Variants in FREM2 observed in about 807,000 individuals in gnomAD.
The protein encoded by FREM2 is FRAS1 related extracellular matrix 2, also known as FRAS1-related extracellular matrix protein 2.
Under a neutral mutation model 219.9 loss-of-function variants are expected in FREM2, and 119 were observed. The observed-to-expected ratio is 0.54, with a 90% CI of 0.47 to 0.63. The LOEUF is 0.63. Among genes scored for constraint, FREM2 ranks in the 30% least tolerant of loss-of-function variants. The pLI is 0.00. For missense variants in FREM2, 4,030 were observed against 3,993.6 expected, an observed-to-expected ratio of 1.01 and a Z score of -0.25; for synonymous variants, 1,562 against 1,522.8, an observed-to-expected ratio of 1.03 and a Z score of -0.60.
chr13:38,728,023 G>A (rs762237832), intron 2 of FREM2, among the ~76,000 whole-genome samples: 4 of 152,144 alleles, frequency 2.6e-5, no homozygotes, highest in Non-Finnish European at 5.9e-5. Flanking sequence ...GACATTGGTT[G>A]GCCCATTTCT....
intron 6 of FREM2, among the ~76,000 whole-genome samples, chr13:38,827,990 A>G (rs538855136): frequency 6.6e-6 from 1 of 152,188 alleles, no homozygotes; most frequent in Non-Finnish European, 1.5e-5. Context: ...AACTTATTAC[A>G]TGAGTACCAA....
intron 6 of FREM2, among the ~76,000 whole-genome samples, chr13:38,820,328 C>T (rs9603438): frequency 6.6e-6 from 1 of 151,998 alleles, no homozygotes; most frequent in South Asian, 2.1e-4. Flanking sequence ...TGCCTGATTC[C>T]CATCTCTTCC....
chr13:38,870,801 A>C (rs947521928), intron 16 of FREM2, among the ~76,000 whole-genome samples: 3 of 152,222 alleles, frequency 2.0e-5, no homozygotes, highest in Admixed American at 2.0e-4. Context: ...ACTTATTCAT[A>C]GGAAGTGAGT....
rs1869826135 is a variant in FREM2 at position 38,691,118 on chromosome 13, A to G, written c.3774A>G (p.Ile1258Met). ...AAAGCTTCACCTTGGATCAGATCAT[A>G]GAGAGTTCCAGCATTATTTATGAGC... is the stretch of plus-strand genomic sequence containing the variant. ...LVESFTLDQI[I>M]ESSSIIYEHD... Residue 1258 changes from isoleucine to methionine, a missense_variant, in exon 1 of 24, where the codon ATA becomes ATG. Ile to Met is a conservative substitution (Grantham distance 10). Transcript: ENST00000280481. 6 of 1,614,036 alleles carry G rather than the reference A, an allele frequency of 3.7e-6. No individual in the cohort carries two copies. The South Asian group carries it at 4.4e-5, about 12-fold the overall frequency.
intron 6 of FREM2, among the ~76,000 whole-genome samples, chr13:38,833,922 G>A (rs966531998): frequency 6.6e-6 from 1 of 152,004 alleles, no homozygotes; most frequent in Non-Finnish European, 1.5e-5. Flanking sequence ...CCATAGAGAT[G>A]TTTATTTTGT....
At chr13:38,791,355 T>C (rs1411815779) in intron 6 of FREM2, among the ~76,000 whole-genome samples, 1 of 152,170 alleles carries the variant, frequency 6.6e-6, no homozygotes, top group Non-Finnish European at 1.5e-5. Context: ...GTATCTTGAT[T>C]ATTCACCCCT....
intron 6 of FREM2, among the ~76,000 whole-genome samples, chr13:38,801,623 TTC>T (rs1875011750): frequency 6.6e-6 from 1 of 152,200 alleles, no homozygotes; most frequent in South Asian, 2.1e-4. Flanking sequence ...ATCTGTGATT[TTC>T]TCTGTGGCCT....
chr13:38,703,406 G>A (rs1870417193), intron 2 of FREM2, among the ~76,000 whole-genome samples: 1 of 152,156 alleles, frequency 6.6e-6, no homozygotes, highest in African/African-American at 2.4e-5. Flanking sequence ...GTGAAGTAAT[G>A]TCAGGCACTG....
intron 2 of FREM2, 118 bp from the exon 3 acceptor site, chr13:38,764,186 A>T: frequency 1.3e-6 from 1 of 744,680 alleles, no homozygotes; most frequent in Non-Finnish European, 2.4e-6. Context: ...AGAGTTGTGT[A>T]TCAAACTAAG....
intron 2 of FREM2, among the ~76,000 whole-genome samples, chr13:38,735,620 TA>T (rs764756414): frequency 6.6e-6 from 1 of 152,154 alleles, no homozygotes; most frequent in Non-Finnish European, 1.5e-5. Context: ...AGGAACTACT[TA>T]AAAAAACGTA....
intron 2 of FREM2, among the ~76,000 whole-genome samples, chr13:38,740,328 T>C (rs575354371): frequency 1.3e-4 from 20 of 152,176 alleles, no homozygotes; most frequent in Non-Finnish European, 2.8e-4. Context: ...ATTAAAGACT[T>C]GTAATGAGGG....
At chr13:38,728,480 G>A (rs928597297) in intron 2 of FREM2, among the ~76,000 whole-genome samples, 2 of 150,956 alleles carry the variant, frequency 1.3e-5, no homozygotes, top group African/African-American at 2.4e-5. Context: ...ATCAGGGCTC[G>A]GTGCAGCCTC....
intron 2 of FREM2, among the ~76,000 whole-genome samples, chr13:38,705,007 C>T (rs945840582): frequency 1.3e-5 from 2 of 152,072 alleles, no homozygotes; most frequent in East Asian, 1.9e-4. Context: ...AATTCCAATT[C>T]GAAATGAGAT....
At chr13:38,711,215 C>T (rs9548435) in intron 2 of FREM2, among the ~76,000 whole-genome samples, 18,285 of 152,176 alleles carry the variant, frequency 0.12, 1,292 homozygotes, top group Middle Eastern at 0.24. Flanking sequence ...ACCACCAGCT[C>T]CCTTTCCCTT....
chr13:38,861,196 C>T (rs547390377), intron 14 of FREM2, among the ~76,000 whole-genome samples: 1 of 152,216 alleles, frequency 6.6e-6, no homozygotes, highest in African/African-American at 2.4e-5. Flanking sequence ...CAAATTTTTT[C>T]TCAAAGTTTG....
intron 6 of FREM2, among the ~76,000 whole-genome samples, chr13:38,824,810 T>G (rs4503675): frequency 0.26 from 39,354 of 151,870 alleles, 5,529 homozygotes; most frequent in East Asian, 0.45. Flanking sequence ...TTACACCTTA[T>G]CAGAATTCAG....
chr13:38,701,753 C>T (rs1274130903), intron 2 of FREM2, among the ~76,000 whole-genome samples: 1 of 152,034 alleles, frequency 6.6e-6, no homozygotes, highest in South Asian at 2.1e-4. Context: ...ATATCATTTC[C>T]TCTCCAAAGT....
intron 2 of FREM2, among the ~76,000 whole-genome samples, chr13:38,718,997 A>G (rs1438849222): frequency 6.6e-6 from 1 of 152,242 alleles, no homozygotes; most frequent in Non-Finnish European, 1.5e-5. Flanking sequence ...ATAACAAATT[A>G]TCACAGATGT....
At chr13:38,700,288 T>C (rs1185929731) in intron 2 of FREM2, among the ~76,000 whole-genome samples, 1 of 152,092 alleles carries the variant, frequency 6.6e-6, no homozygotes, top group African/African-American at 2.4e-5. Context: ...AGTAATGGAT[T>C]AGTGACTATC....
Sources: allele counts gnomAD v4.1 joint callset (sites outside exome capture counted in the v4.1 genomes callset), GRCh38; gene constraint gnomAD v4.1.1; transcripts MANE v1.5; gene names NCBI Gene and HGNC (gene_info 2026-07-23, HGNC 2026-07-21).